The following BBX variants were observed in gnomAD, a reference collection of about 807,000 sequenced individuals.
BBX encodes BBX high mobility group box domain containing, also known as HMG box transcription factor BBX.
BBX carries 30 observed loss-of-function variants against 100.2 expected under a neutral mutation model. The ratio of observed to expected loss-of-function variants is 0.30; its 90% CI spans 0.22 to 0.41. The LOEUF (loss-of-function observed/expected upper bound fraction) is 0.41, where lower values mean the gene tolerates loss of function less well. Ranked by LOEUF, BBX falls within the 10% of genes least tolerant of loss-of-function variation. The probability of loss-of-function intolerance (pLI) is 1.00; values close to 1 mark genes in which losing one functional copy is unlikely to be tolerated. For missense variants in BBX, 1,023 were observed against 1,129.8 expected (o/e 0.91, Z 1.35); for synonymous variants, 376 against 388.1 (o/e 0.97, Z 0.37).
At chr3:107,664,079 A>T (rs1465257022) in intron 3 of BBX, among the ~76,000 whole-genome samples, 2 of 152,196 alleles carry the variant, frequency 1.3e-5, no homozygotes, top group African/African-American at 4.8e-5. Flanking sequence ...TGCTGGGCTT[A>T]CAAGTGTGAG....
chr3:107,789,514 TC>T (rs2068767427), intron 13 of BBX, among the ~76,000 whole-genome samples: 1 of 152,214 alleles, frequency 6.6e-6, no homozygotes, highest in South Asian at 2.1e-4. Flanking sequence ...GTAGTTTGTT[TC>T]TACTCACTGT....
chr3:107,678,182 T>G (rs1232202452), intron 3 of BBX, among the ~76,000 whole-genome samples: 1 of 152,150 alleles, frequency 6.6e-6, no homozygotes, highest in Non-Finnish European at 1.5e-5. Flanking sequence ...GAATTCTTAG[T>G]CACTATAAAT....
chr3:107,785,235 T>C (rs1224028513), intron 13 of BBX, among the ~76,000 whole-genome samples: 3 of 148,836 alleles, frequency 2.0e-5, no homozygotes, highest in Non-Finnish European at 4.5e-5. Context: ...CTACCAAACA[T>C]TTAAAAAAGA....
At chr3:107,663,383 T>C (rs1304432250) in intron 3 of BBX, among the ~76,000 whole-genome samples, 1 of 152,118 alleles carries the variant, frequency 6.6e-6, no homozygotes, top group Non-Finnish European at 1.5e-5. Flanking sequence ...GTAGATAAGG[T>C]ACAAAGAATA....
At chr3:107,750,002 A>G (rs961381503) in intron 9 of BBX, among the ~76,000 whole-genome samples, 7 of 152,158 alleles carry the variant, frequency 4.6e-5, no homozygotes, top group African/African-American at 1.7e-4. Context: ...GGACAGCTCT[A>G]AGGGACTGGT....
At chr3:107,641,207 C>T (rs1351106053) in intron 2 of BBX, among the ~76,000 whole-genome samples, 3 of 151,738 alleles carry the variant, frequency 2.0e-5, no homozygotes, top group Non-Finnish European at 4.4e-5. Context: ...GCCTCAGCCT[C>T]CTGAGTAGCT....
chr3:107,564,173 C>A (rs776037030), intron 2 of BBX, among the ~76,000 whole-genome samples: 13 of 152,034 alleles, frequency 8.6e-5, no homozygotes, highest in Non-Finnish European at 1.3e-4. Flanking sequence ...GTTTTTCCCC[C>A]TGAAATGACC....
chr3:107,789,724 T>C (rs1337513455), intron 13 of BBX, 63 bp from the exon 14 acceptor site: 2 of 1,199,938 alleles, frequency 1.7e-6, no homozygotes, highest in East Asian at 2.6e-5. Context: ...TGTTGAGAAA[T>C]ACACAATATT....
At chr3:107,544,853 A>G (rs868150063) in intron 2 of BBX, among the ~76,000 whole-genome samples, 3 of 150,942 alleles carry the variant, frequency 2.0e-5, no homozygotes, top group African/African-American at 7.3e-5. Context: ...AAAAAAAAAA[A>G]AAAAAAGAAA....
chr3:107,783,746 G>A (rs2068133103), intron 13 of BBX, among the ~76,000 whole-genome samples: 1 of 152,008 alleles, frequency 6.6e-6, no homozygotes, highest in Admixed American at 6.6e-5. Context: ...ATAGATTTTA[G>A]ATACCTGTAA....
intron 2 of BBX, among the ~76,000 whole-genome samples, chr3:107,603,364 T>A (rs891622174): frequency 1.3e-5 from 2 of 151,954 alleles, no homozygotes; most frequent in Non-Finnish European, 2.9e-5. Context: ...TTAAACTTTC[T>A]TGTCATCTTA....
chr3:107,708,453 A>G (rs776932550), intron 3 of BBX, among the ~76,000 whole-genome samples: 6 of 152,170 alleles, frequency 3.9e-5, no homozygotes, highest in African/African-American at 9.7e-5. Flanking sequence ...AGGTGGGCAG[A>G]TCACAAGGTC....
At chr3:107,577,277 G>C (rs1163256495) in intron 2 of BBX, among the ~76,000 whole-genome samples, 2 of 152,184 alleles carry the variant, frequency 1.3e-5, no homozygotes, top group East Asian at 3.8e-4. Flanking sequence ...TAAAGAGGAG[G>C]GGGTGGACTC....
chr3:107,533,792 A>G (rs1269871751), intron 2 of BBX, among the ~76,000 whole-genome samples: 2 of 152,168 alleles, frequency 1.3e-5, no homozygotes, highest in South Asian at 2.1e-4. Context: ...ATTAGAGGTT[A>G]TATTTCCTTT....
At position 107,791,296 on chromosome 3, in the gene BBX, GAAGGT is replaced by G; in HGVS notation, c.2353+1_2353+5del. 6.2e-7 allele frequency: 1 copy of G among 1,612,240 alleles called. No homozygotes were observed. The highest frequency in any genetic ancestry group is 8.5e-7 in the Non-Finnish European group (1 of 1,178,574). On this transcript the variant is annotated splice_donor_variant and coding_sequence_variant, in exon 15 of 18. Coordinates refer to ENST00000325805, the MANE Select transcript of BBX (RefSeq NM_001142568.3). LOFTEE classifies it high-confidence loss of function. Reference sequence around the variant, plus strand: ...CTTCTTGGATGCCATTCACCCTACAGAAGGTAAGACAAGCAATGTTATTTAATTTG... The same window carrying G: ...CTTCTTGGATGCCATTCACCCTACAGAAGACAAGCAATGTTATTTAATTTG...
intron 2 of BBX, among the ~76,000 whole-genome samples, chr3:107,615,416 A>G (rs1428364852): frequency 6.6e-6 from 1 of 152,256 alleles, no homozygotes; most frequent in South Asian, 2.1e-4. Flanking sequence ...GAAGTCCAGG[A>G]TCCGGGCATA....
chr3:107,615,534 A>G (rs1434396101), intron 2 of BBX, among the ~76,000 whole-genome samples: 2 of 152,122 alleles, frequency 1.3e-5, no homozygotes, highest in African/African-American at 4.8e-5. Context: ...AATCCCATTC[A>G]TGAGTACTCT....
intron 2 of BBX, among the ~76,000 whole-genome samples, chr3:107,609,776 A>G (rs2054706059): frequency 6.6e-6 from 1 of 151,246 alleles, no homozygotes; most frequent in Non-Finnish European, 1.5e-5. Context: ...TTTTTTTCTT[A>G]GCCTGGCTAA....
At chr3:107,669,216 T>A (rs948735377) in intron 3 of BBX, among the ~76,000 whole-genome samples, 2 of 152,122 alleles carry the variant, frequency 1.3e-5, no homozygotes, top group Admixed American at 6.6e-5. Context: ...CACAAGGCAG[T>A]TTATGGCTCA....
Sources: gnomAD v4.1 joint callset for allele counts (sites outside exome capture counted in the v4.1 genomes callset) on GRCh38, gnomAD v4.1.1 for gene constraint, MANE v1.5 for transcripts, NCBI Gene and HGNC (gene_info 2026-07-23, HGNC 2026-07-21) for gene names.